Variants in SNX10 observed in about 807,000 individuals in gnomAD.
The protein encoded by SNX10 is sorting nexin 10.
A neutral mutation model predicts 28.5 loss-of-function variants in SNX10; 25 were observed. That is an observed-to-expected ratio of 0.88 (90% confidence interval 0.64 to 1.22). The LOEUF is 1.22. Among genes scored for constraint, SNX10 ranks in the 50% most tolerant of loss-of-function variants. The probability of loss-of-function intolerance (pLI) is 0.00; values close to 1 mark genes in which losing one functional copy is unlikely to be tolerated. For synonymous variants in SNX10, 62 were observed against 81.4 expected, an observed-to-expected ratio of 0.76 and a Z score of 1.28; for missense variants, 223 against 242.6, an observed-to-expected ratio of 0.92 and a Z score of 0.54.
chr7:26,357,327 T>TAAA (rs372771552), intron 2 of SNX10, among the ~76,000 whole-genome samples: 1,758 of 109,334 alleles, frequency 0.016, 44 homozygotes, highest in East Asian at 0.026. Flanking sequence ...AAGAGAAGAT[T>TAAA]AAAAAAAAAA....
chr7:26,339,471 G>A (rs932299332), intron 1 of SNX10, among the ~76,000 whole-genome samples: 1 of 151,490 alleles, frequency 6.6e-6, no homozygotes, highest in Admixed American at 6.6e-5. Flanking sequence ...TTGCACAGTG[G>A]TGAAGTCAGG....
intron 1 of SNX10, among the ~76,000 whole-genome samples, chr7:26,309,395 G>A (rs1786731587): frequency 6.6e-6 from 1 of 151,344 alleles, no homozygotes; most frequent in Admixed American, 6.6e-5. Flanking sequence ...TCCCTCACCA[G>A]GACCAAACCT....
chr7:26,338,515 C>T (rs539711422), intron 1 of SNX10, among the ~76,000 whole-genome samples: 2 of 152,280 alleles, frequency 1.3e-5, no homozygotes, highest in East Asian at 1.9e-4. Context: ...CATTCTCCTA[C>T]GTCAGCCTCC....
chr7:26,309,230 C>G (rs1278508041), intron 1 of SNX10, among the ~76,000 whole-genome samples: 2 of 152,162 alleles, frequency 1.3e-5, no homozygotes, highest in Non-Finnish European at 2.9e-5. Context: ...GCCTCCCCCT[C>G]CATTCTTCCG....
At chr7:26,360,832 A>G (rs1789035046) in intron 2 of SNX10, 143 bp from the exon 3 acceptor site, 4 of 1,463,422 alleles carry the variant, frequency 2.7e-6, no homozygotes, top group Non-Finnish European at 3.6e-6. Flanking sequence ...CATTAACTTT[A>G]CTTCTTGTTT....
chr7:26,352,861 C>G (rs1191126315), intron 2 of SNX10, among the ~76,000 whole-genome samples: 1 of 152,168 alleles, frequency 6.6e-6, no homozygotes, highest in Non-Finnish European at 1.5e-5. Context: ...TTAATTCTCT[C>G]TTTTCCCCCT....
At chr7:26,345,794 G>A (rs1174822430) in intron 1 of SNX10, among the ~76,000 whole-genome samples, 1 of 152,172 alleles carries the variant, frequency 6.6e-6, no homozygotes, top group Non-Finnish European at 1.5e-5. Context: ...GGGAGCAGGT[G>A]TTAAATCTAA....
At chr7:26,315,116 A>C (rs2127998764) in intron 1 of SNX10, among the ~76,000 whole-genome samples, 1 of 152,344 alleles carries the variant, frequency 6.6e-6, no homozygotes, top group East Asian at 1.9e-4. Flanking sequence ...TCAGAAAAGC[A>C]ATTTAAACAA....
intron 2 of SNX10, chr7:26,360,770 A>G: frequency 4.1e-6 from 4 of 967,396 alleles, no homozygotes; most frequent in Non-Finnish European, 4.9e-6. Context: ...TTATTTTAAA[A>G]ATTCCATTAT....
intron 2 of SNX10, among the ~76,000 whole-genome samples, chr7:26,358,097 T>C (rs1192501514): frequency 1.3e-5 from 2 of 152,052 alleles, no homozygotes; most frequent in Non-Finnish European, 2.9e-5. Context: ...CACAAGAGAA[T>C]AGTGATATTT....
At chr7:26,300,291 C>A (rs973206283) in intron 1 of SNX10, among the ~76,000 whole-genome samples, 30 of 151,418 alleles carry the variant, frequency 2.0e-4, no homozygotes, top group African/African-American at 6.8e-4. Context: ...CTGTGTCTTG[C>A]TGTGTTGCCC....
At chr7:26,362,422 A>C (rs1246255425) in intron 3 of SNX10, among the ~76,000 whole-genome samples, 1 of 152,260 alleles carries the variant, frequency 6.6e-6, no homozygotes, top group Non-Finnish European at 1.5e-5. Context: ...CTCTATAAAT[A>C]GCCTGATGTA....
intron 2 of SNX10, among the ~76,000 whole-genome samples, chr7:26,349,446 A>G (rs896752693): frequency 1.3e-5 from 2 of 151,806 alleles, no homozygotes; most frequent in Non-Finnish European, 2.9e-5. Context: ...GAGAAAAGGG[A>G]GTGAGAATCT....
At chr7:26,359,879 A>G (rs1307059985) in intron 2 of SNX10, among the ~76,000 whole-genome samples, 1 of 152,104 alleles carries the variant, frequency 6.6e-6, no homozygotes, top group African/African-American at 2.4e-5. Flanking sequence ...GATGGGCTCA[A>G]TCTCTTGACC....
At chr7:26,335,663 T>G (rs1584133113) in intron 1 of SNX10, among the ~76,000 whole-genome samples, 1 of 151,596 alleles carries the variant, frequency 6.6e-6, no homozygotes, top group Admixed American at 6.6e-5. Flanking sequence ...TAGGTAGTAT[T>G]GAGAGCAGAT....
intron 1 of SNX10, among the ~76,000 whole-genome samples, chr7:26,333,620 G>T (rs145731885): frequency 1.3e-5 from 2 of 152,242 alleles, no homozygotes; most frequent in East Asian, 1.9e-4. Flanking sequence ...CACCGCACCC[G>T]ACTATTTTAT....
chr7:26,359,175 C>T (rs1788965850), intron 2 of SNX10, among the ~76,000 whole-genome samples: 1 of 152,034 alleles, frequency 6.6e-6, no homozygotes, highest in Non-Finnish European at 1.5e-5. Context: ...CTTTTTGGAA[C>T]AGTAATTCAT....
intron 1 of SNX10, among the ~76,000 whole-genome samples, chr7:26,323,479 T>TAA (rs1787383319): frequency 6.6e-6 from 1 of 151,770 alleles, no homozygotes; most frequent in Admixed American, 6.6e-5. Flanking sequence ...TTGCTCTTTA[T>TAA]ATAAAAAGGG....
chr7:26,345,551 C>T (rs1009727501), intron 1 of SNX10, among the ~76,000 whole-genome samples: 6 of 152,156 alleles, frequency 3.9e-5, no homozygotes, highest in Non-Finnish European at 7.3e-5. Flanking sequence ...GCCCTGGAAG[C>T]GGAGCCTGTG....
Sources: allele counts gnomAD v4.1 joint callset (sites outside exome capture counted in the v4.1 genomes callset), GRCh38; gene constraint gnomAD v4.1.1; transcripts MANE v1.5; gene names NCBI Gene and HGNC (gene_info 2026-07-23, HGNC 2026-07-21).